Variants in NAV1 observed in about 807,000 individuals in gnomAD.
NAV1 encodes the protein neuron navigator 1.
In NAV1, 18 loss-of-function variants were observed where a neutral mutation model predicts 175.2. The ratio of observed to expected loss-of-function variants is 0.10; its 90% confidence interval spans 0.07 to 0.15. NAV1 has a LOEUF of 0.15. Ranked by LOEUF, NAV1 falls within the 10% of genes least tolerant of loss-of-function variation. The pLI is 1.00. For synonymous variants in NAV1, 897 were observed against 978.7 expected (o/e 0.92, Z 1.56); for missense variants, 1,731 against 2,436.6 (o/e 0.71, Z 6.10).
chr1:201,728,754 T>C (rs1206904970), intron 3 of NAV1, among the ~76,000 whole-genome samples: 1 of 152,144 alleles, frequency 6.6e-6, no homozygotes, highest in Non-Finnish European at 1.5e-5. Context: ...TGTGAGCCAC[T>C]ACACCCAGCC....
At chr1:201,756,846 TTCTTTCTTTCTTTCTTTCTTTCTTTC>T (rs1674524435) in intron 3 of NAV1, among the ~76,000 whole-genome samples, 1 of 129,010 alleles carries the variant, frequency 7.8e-6, no homozygotes, top group Non-Finnish European at 1.7e-5. Context: ...CTTTCTTTCT[TTCTTTCTTTCTTTCTTTCTTTCTTTC>T]TTTCTTTCTT....
intron 29 of NAV1, 100 bp from the exon 34 acceptor site, chr1:201,819,737 G>C (rs929708944): frequency 1.4e-5 from 14 of 974,112 alleles, no homozygotes; most frequent in East Asian, 2.4e-5. Context: ...CTTCCACCTT[G>C]GCCTCCCAAA....
intron 1 of NAV1, among the ~76,000 whole-genome samples, chr1:201,670,021 C>A (rs10920229): frequency 9.4e-4 from 143 of 151,742 alleles, no homozygotes; most frequent in African/African-American, 3.4e-3. Flanking sequence ...TGCCTAAATA[C>A]AAAAGTTCCT....
rs577008433 is a variant in NAV1 at position 201,755,850 on chromosome 1, TA to T, written c.1227-24569del. ...GGCTGGGCACGGTGGCTCACACCTG[TA>T]ATCCCAGCACTTTGGGAGGCTAAGG... is the stretch of plus-strand genomic sequence containing the variant. On this transcript the variant is annotated intron_variant, in intron 3 of 29. Coordinates refer to ENST00000367296, the Ensembl canonical transcript of NAV1. Among the ~76,000 whole-genome samples, 33 of 152,290 alleles carry T rather than the reference TA, an allele frequency of 2.2e-4. No individual in the cohort carries two copies. The South Asian group carries it at 6.2e-3, about 29-fold the overall frequency.
At chr1:201,597,007 G>A (rs1463100420) in intron 2 of NAV1, among the ~76,000 whole-genome samples, 1 of 152,078 alleles carries the variant, frequency 6.6e-6, no homozygotes, top group Non-Finnish European at 1.5e-5. Context: ...TGTATTTTTA[G>A]TAGAGATGGA....
chr1:201,734,313 T>C (rs1374703203), intron 3 of NAV1, among the ~76,000 whole-genome samples: 1 of 151,050 alleles, frequency 6.6e-6, no homozygotes, highest in Non-Finnish European at 1.5e-5. Flanking sequence ...GAGGCTGAGG[T>C]GGGAGGATCG....
rs1461322094 is a variant in NAV1 at position 201,715,549 on chromosome 1, G to C, written c.860+2630G>C. On this transcript the variant is annotated intron_variant, in intron 2 of 29. Transcript: ENST00000367296. ...GGATATATACATACTCCCTGGGTTA[G>C]AGAATGAGGCTGGGGGCAGGGAGGC... Among the ~76,000 whole-genome samples the C allele has an allele frequency of 2.0e-5, 3 of 152,220 alleles. No homozygotes were observed. The East Asian group carries it at 5.8e-4, about 29-fold the overall frequency.
At chr1:201,636,368 G>A (rs576684193) in intron 2 of NAV1, among the ~76,000 whole-genome samples, 1 of 152,312 alleles carries the variant, frequency 6.6e-6, no homozygotes, top group Admixed American at 6.5e-5. Flanking sequence ...AAGGCTGCGG[G>A]CAGGCTTACA....
intron 3 of NAV1, among the ~76,000 whole-genome samples, chr1:201,756,844 CTTTCTTTCTT>C (rs1674523527): frequency 7.9e-6 from 1 of 126,180 alleles, no homozygotes; most frequent in African/African-American, 2.9e-5. Context: ...TTCTTTCTTT[CTTTCTTTCTT>C]TCTTTCTTTC....
At chr1:201,793,667 A>G (rs1372240414) in intron 13 of NAV1, 125 bp from the exon 18 acceptor site, 2 of 762,778 alleles carry the variant, frequency 2.6e-6, no homozygotes, top group Non-Finnish European at 4.4e-6. Context: ...TTAACCACCA[A>G]GAGGTTTGCT....
chr1:201,747,208 G>A (rs1182410778), intron 3 of NAV1, among the ~76,000 whole-genome samples: 7 of 152,106 alleles, frequency 4.6e-5, no homozygotes, highest in Non-Finnish European at 1.0e-4. Flanking sequence ...CCATTCTCGT[G>A]GCTGTGCGGG....
intron 3 of NAV1, among the ~76,000 whole-genome samples, chr1:201,767,873 A>G (rs1471848536): frequency 6.6e-6 from 1 of 152,258 alleles, no homozygotes; most frequent in Non-Finnish European, 1.5e-5. Flanking sequence ...AAGAAAGCAT[A>G]AAAGACCATT....
At chr1:201,592,257 T>C (rs1383128305) in intron 2 of NAV1, among the ~76,000 whole-genome samples, 1 of 152,158 alleles carries the variant, frequency 6.6e-6, no homozygotes, top group Admixed American at 6.5e-5. Flanking sequence ...AGCAAGTCTT[T>C]GTGGAATCAG....
intron 3 of NAV1, among the ~76,000 whole-genome samples, chr1:201,743,526 GA>G (rs1452358018): frequency 3.3e-5 from 5 of 152,174 alleles, no homozygotes; most frequent in Non-Finnish European, 5.9e-5. Context: ...ACCTTACTGG[GA>G]TGTAATGACA....
intron 1 of NAV1, among the ~76,000 whole-genome samples, chr1:201,553,101 G>A (rs1207936289): frequency 2.6e-5 from 4 of 152,254 alleles, no homozygotes; most frequent in Admixed American, 1.3e-4. Flanking sequence ...GCTCTGGAAG[G>A]AGGAGCCGCA....
At position 201,557,928 on chromosome 1, in the gene NAV1, C is replaced by T. The variant is rs145016971; in HGVS notation, c.-144+18586C>T. Among the ~76,000 whole-genome samples the T allele has an allele frequency of 2.7e-3, 414 of 152,142 alleles. 1 individual carries two copies. The highest frequency in any genetic ancestry group is 9.5e-3 in the African/African-American group (394 of 41,514). On this transcript the variant is annotated intron_variant, in intron 1 of 33. Transcript: ENST00000685211. ...TGACTGAGCTGTGCATGGAACCCTG[C>T]GCAAGGGGCTTGGAGGGGCAGAAAG... is the stretch of plus-strand genomic sequence containing the variant.
At chr1:201,554,519 C>T (rs779783000) in intron 1 of NAV1, among the ~76,000 whole-genome samples, 7 of 152,116 alleles carry the variant, frequency 4.6e-5, no homozygotes, top group South Asian at 2.1e-4. Context: ...TGGGCTAGGG[C>T]GGCCCTGCTG....
At chr1:201,776,663 T>C (rs1220980591) in intron 3 of NAV1, among the ~76,000 whole-genome samples, 1 of 148,220 alleles carries the variant, frequency 6.7e-6, no homozygotes, top group Non-Finnish European at 1.5e-5. Context: ...AAAAGAGTTG[T>C]TTTTTTTTAA....
At chr1:201,624,540 G>A (rs1668273743) in intron 1 of NAV1, among the ~76,000 whole-genome samples, 1 of 151,500 alleles carries the variant, frequency 6.6e-6, no homozygotes, top group East Asian at 1.9e-4. Context: ...TAGAGACAGG[G>A]TTTCACTGTG....
Sources: gnomAD v4.1 joint callset for allele counts (sites outside exome capture counted in the v4.1 genomes callset) on GRCh38, gnomAD v4.1.1 for gene constraint, MANE v1.5 for transcripts, NCBI Gene and HGNC (gene_info 2026-07-23, HGNC 2026-07-21) for gene names.